Variants in TAPBPL observed in about 807,000 individuals in gnomAD.
The protein encoded by TAPBPL is TAP binding protein like.
Under a neutral mutation model 44.8 loss-of-function variants are expected in TAPBPL, and 32 were observed. The ratio of observed to expected loss-of-function variants is 0.71; its 90% CI spans 0.54 to 0.96. TAPBPL has a LOEUF of 0.96. Ranked by LOEUF, TAPBPL falls within the 40% of genes least tolerant of loss-of-function variation. TAPBPL has a pLI of 0.00. For synonymous variants in TAPBPL, 230 were observed against 240.7 expected (o/e 0.96, Z 0.41); for missense variants, 520 against 586.6 (o/e 0.89, Z 1.17).
rs533823596 is a variant in TAPBPL at position 6,453,824 on chromosome 12, C to T, written c.565+108C>T. Reference sequence around the variant, plus strand: ...CCTGAGGTCAGGAGTTTGAGATCAGCCTGGTCAACACGGTGAAACCCCGTC... The same window carrying T: ...CCTGAGGTCAGGAGTTTGAGATCAGTCTGGTCAACACGGTGAAACCCCGTC... On this transcript the variant is annotated intron_variant, in intron 3 of 6. Coordinates refer to ENST00000266556, the MANE Select transcript of TAPBPL (RefSeq NM_018009.5). The surrounding 1 kb of genome is among the most constrained non-coding windows in gnomAD (Gnocchi z 4.8). 2.9e-6 allele frequency: 4 copies of T among 1,364,876 alleles called. No homozygotes were observed. The highest frequency in any genetic ancestry group is 2.9e-5 in the African/African-American group (2 of 68,574). 84.5% of individuals were successfully genotyped at this position (1,364,876 alleles called of 1,614,324 possible).
chr12:6,456,459 G>A (rs1368197970), intron 3 of TAPBPL, among the ~76,000 whole-genome samples: 2 of 151,476 alleles, frequency 1.3e-5, no homozygotes, highest in Admixed American at 6.6e-5. Context: ...CCGCCTCCTG[G>A]GTTCAAGTGA....
downstream of TAPBPL, chr12:6,470,710 T>G (rs964724246): frequency 1.4e-6 from 1 of 729,662 alleles, no homozygotes; most frequent in Non-Finnish European, 2.3e-6. Flanking sequence ...CCTTTATTAG[T>G]GCTGACCACG....
chr12:6,462,345 GTATGAGA>G (rs1358679910), downstream of TAPBPL: 1 of 551,322 alleles, frequency 1.8e-6, no homozygotes, highest in African/African-American at 1.9e-5. Context: ...CTCTATACAA[GTATGAGA>G]TCAGGGTTAG....
intron 1 of TAPBPL, 28 bp downstream of exon 1, chr12:6,452,340 C>G: frequency 6.4e-7 from 1 of 1,562,306 alleles, no homozygotes; most frequent in Non-Finnish European, 8.7e-7. Flanking sequence ...GGAGAGCTGG[C>G]TGGGAGAAGA....
intron 4 of TAPBPL, among the ~76,000 whole-genome samples, 197 bp from the exon 5 acceptor site, chr12:6,458,448 T>C (rs1298008348): frequency 6.6e-6 from 1 of 151,656 alleles, no homozygotes; most frequent in African/African-American, 2.4e-5. Flanking sequence ...TACTATCTGT[T>C]TTCTGGAAAA....
chr12:6,460,111 G>C (rs997656625), intron 5 of TAPBPL, among the ~76,000 whole-genome samples: 3 of 152,210 alleles, frequency 2.0e-5, no homozygotes, highest in African/African-American at 7.2e-5. Context: ...GAAAGAACCC[G>C]CAACTTGAAG....
chr12:6,458,773 G>A lies in TAPBPL; in HGVS notation c.1033G>A (p.Ala345Thr), dbSNP rs1184769953. Reference protein sequence around the residue: ...WTREELGGSPAQVSGASFSSL... With the variant: ...WTREELGGSPTQVSGASFSSL... ...CCGAGAGGAGCTGGGTGGATCCCCA[G>A]CCCAAGTCTCTGGTGCCTCCTTCTC... The change falls in exon 5 of 7, where the codon GCC becomes ACC. Residue 345 changes from alanine (A) to threonine (T), a missense_variant. Ala to Thr is a moderately conservative substitution (Grantham distance 58, BLOSUM62 0). Transcript: ENST00000266556. 6.2e-7 allele frequency: 1 copy of A among 1,614,022 alleles called. No homozygotes were observed. Among genetic ancestry groups the A allele is most frequent in the African/African-American group, 1.3e-5 (1 of 74,916 alleles).
chr12:6,469,205 G>T (rs1249407684), downstream of TAPBPL, among the ~76,000 whole-genome samples: 5 of 152,208 alleles, frequency 3.3e-5, no homozygotes, highest in Admixed American at 3.3e-4. Context: ...CAAGACTCTT[G>T]TCCTGCCACT....
At position 6,452,180 on chromosome 12, in the gene TAPBPL, G is replaced by T; in HGVS notation, c.-69G>T. ...GCTTGGAGAGCCCCCTTCTTCCGCC[G>T]GGCCTCGCAAGCAGCGTAGGACTGT... is the stretch of plus-strand genomic sequence containing the variant. On this transcript the variant is annotated 5_prime_UTR_variant, in exon 1 of 7. Transcript: ENST00000266556. The T allele has an allele frequency of 6.5e-7, 1 of 1,537,284 alleles. No individual in the cohort carries two copies. The highest frequency in any genetic ancestry group is 8.8e-7 in the Non-Finnish European group (1 of 1,134,840).
downstream of TAPBPL, chr12:6,465,057 A>C: frequency 2.0e-6 from 3 of 1,484,322 alleles, no homozygotes; most frequent in Admixed American, 2.0e-5. Flanking sequence ...AAAACCACCC[A>C]TCACCCAGGA....
chr12:6,458,593 C>T (rs560613274), intron 4 of TAPBPL, 52 bp from the exon 5 acceptor site: 29 of 1,585,476 alleles, frequency 1.8e-5, no homozygotes, highest in South Asian at 4.6e-5. Context: ...CAGGCTCCTC[C>T]GCTGTCCCCA....
chr12:6,460,328 C>T (rs557729392), intron 5 of TAPBPL, among the ~76,000 whole-genome samples: 9 of 151,804 alleles, frequency 5.9e-5, no homozygotes, highest in Admixed American at 1.3e-4. Context: ...TGCAGTGGCA[C>T]GATCTCAGCT....
At chr12:6,461,351 A>C (rs1949855149) in intron 6 of TAPBPL, 1 of 1,024,756 alleles carries the variant, frequency 9.8e-7, no homozygotes, top group Non-Finnish European at 1.2e-6. Flanking sequence ...GACAAGAAGA[A>C]GGCAGAATGT....
chr12:6,458,442 ATC>A (rs1417172571), intron 4 of TAPBPL, among the ~76,000 whole-genome samples: 2 of 151,022 alleles, frequency 1.3e-5, no homozygotes, highest in African/African-American at 4.9e-5. Context: ...TGGCTTTACT[ATC>A]TGTTTTCTGG....
At chr12:6,463,159 T>C, downstream of TAPBPL, 2 of 1,444,508 alleles carry the variant, frequency 1.4e-6, no homozygotes, top group South Asian at 1.4e-5. This position sits in a 1 kb window ranked among gnomAD's most constrained non-coding sequence, Gnocchi z 4.0. Context: ...ACACAAACCA[T>C]GCAAAGAGGA....
At chr12:6,468,635 A>G (rs1945690675), downstream of TAPBPL, among the ~76,000 whole-genome samples, 2 of 152,178 alleles carry the variant, frequency 1.3e-5, no homozygotes. Flanking sequence ...TTACATCCCA[A>G]AGAGAGATCT....
downstream of TAPBPL, chr12:6,462,609 T>C: frequency 1.6e-6 from 1 of 606,128 alleles, no homozygotes; most frequent in East Asian, 2.8e-5. Flanking sequence ...CAAGGCCAAC[T>C]ACACCTGGTG....
downstream of TAPBPL, chr12:6,470,589 G>C: frequency 6.2e-7 from 1 of 1,610,016 alleles, no homozygotes; most frequent in Non-Finnish European, 8.5e-7. Context: ...CGAGACACCC[G>C]GTGAGGGACG....
downstream of TAPBPL, chr12:6,470,664 CG>C: frequency 8.3e-7 from 1 of 1,202,446 alleles, no homozygotes; most frequent in Non-Finnish European, 1.2e-6. Flanking sequence ...GGTCTAGCTG[CG>C]CTGGAACTTA....
Sources: gnomAD v4.1 joint callset for allele counts (sites outside exome capture counted in the v4.1 genomes callset) on GRCh38, gnomAD v4.1.1 for gene constraint, Gnocchi (gnomAD v3.1) non-coding constraint, MANE v1.5 for transcripts, NCBI Gene and HGNC (gene_info 2026-07-23, HGNC 2026-07-21) for gene names.